The following CSMD2 variants were observed in gnomAD, a reference collection of about 807,000 sequenced individuals.
CSMD2 encodes the protein CUB and Sushi multiple domains 2.
In CSMD2, 130 loss-of-function variants were observed where a neutral mutation model predicts 398.5. That is an observed-to-expected ratio of 0.33 (90% CI 0.28 to 0.38). The LOEUF (loss-of-function observed/expected upper bound fraction) is 0.38, where lower values mean the gene tolerates loss of function less well. Among genes scored for constraint, CSMD2 ranks in the 10% least tolerant of loss-of-function variants. The pLI, the probability that CSMD2 is intolerant of heterozygous loss-of-function variation, is 1.00. For synonymous variants in CSMD2, 1,828 were observed against 1,908.5 expected, an observed-to-expected ratio of 0.96 and a Z score of 1.10; for missense variants, 3,829 against 4,764.9, an observed-to-expected ratio of 0.80 and a Z score of 5.78.
rs1377493597 is a variant in CSMD2, at chr1:34,103,289, C to CTTTTT, written c.188-14101_188-14097dup. On this transcript the variant is annotated intron_variant, in intron 1 of 70. Transcript: ENST00000373381. ...TGTCTCTACCAGCAAACTCCTTGAG[C>CTTTTT]TTTTTTTTTTTTTTTTTTTTTCTTT... 6.5e-4 allele frequency among the ~76,000 whole-genome samples: 69 copies of CTTTTT among 106,968 alleles called. 1 individual carries two copies. Among genetic ancestry groups the CTTTTT allele is most frequent in the African/African-American group, 1.5e-3 (38 of 24,748 alleles). The allele number at this position is 106,968 out of a possible 152,430, so 70.2% of individuals were successfully genotyped here.
intron 4 of CSMD2, among the ~76,000 whole-genome samples, chr1:33,923,699 A>T (rs1045648368): frequency 1.2e-4 from 18 of 152,146 alleles, no homozygotes; most frequent in Non-Finnish European, 2.5e-4. Flanking sequence ...AACTATAGTC[A>T]CCATAGTCTG....
At chr1:34,081,373 T>A (rs1325474610) in intron 2 of CSMD2, among the ~76,000 whole-genome samples, 5 of 151,920 alleles carry the variant, frequency 3.3e-5, no homozygotes, top group Non-Finnish European at 1.5e-5. Flanking sequence ...TGGTTCCAGG[T>A]CAATAAAAGG....
chr1:33,999,327 G>A (rs569948865), intron 3 of CSMD2, among the ~76,000 whole-genome samples: 344 of 152,246 alleles, frequency 2.3e-3, no homozygotes, highest in Non-Finnish European at 3.1e-3. Flanking sequence ...GCTTTGAAAC[G>A]GATGTCTCAA....
In CSMD2 at chr1:33,590,758, CCT is replaced by C. The variant is rs199861091; in HGVS notation, c.6857-3592_6857-3591del. 3.1e-4 allele frequency among the ~76,000 whole-genome samples: 47 copies of C among 152,138 alleles called. No individual in the cohort carries two copies. In the East Asian group the frequency reaches 5.1e-3, roughly 16 times the overall value. ...ATTTTGTGAATACCCTTCTTCTTCC[CCT>C]GAGGGGAAGAGGGTGAGGTGTTGAG... On this transcript the variant is annotated intron_variant, in intron 44 of 70. Coordinates refer to ENST00000373381, the MANE Select transcript of CSMD2 (RefSeq NM_001281956.2).
At position 33,576,994 on chromosome 1, in the gene CSMD2, C is replaced by A. The variant is rs74457147; in HGVS notation, c.7576+302G>T. On this transcript the variant is annotated intron_variant, in intron 49 of 70. Transcript: ENST00000373381. ...GCATCCCCTCTGCTGGGAGCCCTCC[C>A]CAGCTGGCCAGGAGGAAGCAGATCC... Among the ~76,000 whole-genome samples, 830 of 152,082 alleles carry A rather than the reference C, an allele frequency of 5.5e-3. 9 individuals are homozygous for A. The highest frequency in any genetic ancestry group is 0.019 in the African/African-American group (792 of 41,442).
intron 5 of CSMD2, among the ~76,000 whole-genome samples, chr1:33,851,879 G>T (rs1005918251): frequency 1.3e-5 from 2 of 151,998 alleles, no homozygotes; most frequent in Admixed American, 6.6e-5. Flanking sequence ...AATATGAGTT[G>T]CTGGGCCTTA....
chr1:33,594,616 G>A (rs1450032005), intron 44 of CSMD2, among the ~76,000 whole-genome samples: 2 of 152,102 alleles, frequency 1.3e-5, no homozygotes, highest in Admixed American at 6.6e-5. Flanking sequence ...TGTTATCAGT[G>A]TCTTGGCTCT....
intron 2 of CSMD2, among the ~76,000 whole-genome samples, chr1:34,054,294 C>G (rs554352369): frequency 6.6e-6 from 1 of 152,074 alleles, no homozygotes; most frequent in African/African-American, 2.4e-5. Context: ...ATGACTAGTA[C>G]GAAGCCAGCA....
At chr1:33,567,497 T>TATATATATATATATATATATATATATG (rs1553142128) in intron 53 of CSMD2, 96 bp downstream of exon 53, 1 of 811,494 alleles carries the variant, frequency 1.2e-6, no homozygotes, top group Non-Finnish European at 1.8e-6. Flanking sequence ...ATATATATAT[T>TATATATATATATATATATATATATATG]TAAAACAAAC....
In CSMD2 at chr1:34,070,264, C is replaced by T. The variant is rs149227410; in HGVS notation, c.404+18713G>A. 5.7e-3 allele frequency among the ~76,000 whole-genome samples: 865 copies of T among 152,290 alleles called. 8 individuals carry two copies. The highest frequency in any genetic ancestry group is 6.8e-3 in the Non-Finnish European group (464 of 68,032). ...TGCCTAAGTGCAGGCAAATTCCAAA[C>T]ATGGAAGGAGACAGGACTGTAGAAT... On this transcript the variant is annotated intron_variant, in intron 2 of 70. Transcript: ENST00000373381.
At chr1:33,790,845 C>CATCT (rs1553207630) in intron 11 of CSMD2, among the ~76,000 whole-genome samples, 7 of 128,610 alleles carry the variant, frequency 5.4e-5, no homozygotes, top group Non-Finnish European at 8.4e-5. Context: ...ATCTATCTAT[C>CATCT]ATCTATCTAT....
intron 3 of CSMD2, among the ~76,000 whole-genome samples, chr1:33,995,555 G>A (rs1315253122): frequency 6.6e-6 from 1 of 152,172 alleles, no homozygotes; most frequent in African/African-American, 2.4e-5. Context: ...TCAAGACCCA[G>A]GGCTTGTGCA....
intron 1 of CSMD2, among the ~76,000 whole-genome samples, chr1:34,128,301 G>A (rs1229229564): frequency 1.3e-5 from 2 of 152,186 alleles, no homozygotes; most frequent in Non-Finnish European, 2.9e-5. Context: ...CAGAGACTGA[G>A]GCGGAAAACC....
Position 33,765,026 on chromosome 1 carries a change from G to A in CSMD2, c.1846+7543C>T, listed in dbSNP as rs149445436. ...GCAATGTATGCGAAGCAATGCATGT[G>A]ACCTATATGAAGAAAACCATGGAGC... On this transcript the variant is annotated intron_variant, in intron 13 of 70. Coordinates refer to ENST00000373381, the MANE Select transcript of CSMD2 (RefSeq NM_001281956.2). Among the ~76,000 whole-genome samples the A allele has an allele frequency of 3.3e-5, 5 of 152,320 alleles. No individual in the cohort carries two copies. The East Asian group carries it at 7.7e-4, about 24-fold the overall frequency.
rs757528717 is a variant in CSMD2, at chr1:33,726,707, AG to A, written c.2369-23del. 5.6e-6 allele frequency: 9 copies of A among 1,597,424 alleles called. No individual in the cohort carries two copies. In the African/African-American group the frequency reaches 1.2e-4, roughly 21 times the overall value. ...GGAGCTGGGGGGACAGAAGGAAGAGAGGCAGCTTTCTTCAGGGACAAATGAG... is the reference window on the plus strand; with the variant it reads ...GGAGCTGGGGGGACAGAAGGAAGAGAGCAGCTTTCTTCAGGGACAAATGAG... On this transcript the variant is annotated intron_variant, in intron 15 of 70. Coordinates refer to ENST00000373381, the MANE Select transcript of CSMD2 (RefSeq NM_001281956.2).
intron 13 of CSMD2, among the ~76,000 whole-genome samples, chr1:33,746,103 G>A (rs568646420): frequency 2.4e-4 from 37 of 152,118 alleles, no homozygotes; most frequent in Non-Finnish European, 4.4e-4. Flanking sequence ...CTATGTGACC[G>A]TGGAGTCTTA....
At chr1:34,111,104 G>A (rs193103951) in intron 1 of CSMD2, among the ~76,000 whole-genome samples, 1 of 152,226 alleles carries the variant, frequency 6.6e-6, no homozygotes, top group East Asian at 1.9e-4. Context: ...ACAAGAGAAA[G>A]GCCTTTGTTT....
At chr1:33,517,383 C>T (rs1344156080) in intron 70 of CSMD2, among the ~76,000 whole-genome samples, 1 of 152,168 alleles carries the variant, frequency 6.6e-6, no homozygotes. Context: ...ATGGCGCACA[C>T]CAGCACCTGG....
intron 21 of CSMD2, among the ~76,000 whole-genome samples, chr1:33,712,891 C>A (rs965847842): frequency 6.6e-6 from 1 of 152,068 alleles, no homozygotes; most frequent in Admixed American, 6.6e-5. Flanking sequence ...GGAGTAAACC[C>A]TGGGGTTATT....
Sources: gnomAD v4.1 joint callset for allele counts (sites outside exome capture counted in the v4.1 genomes callset) on GRCh38, gnomAD v4.1.1 for gene constraint, MANE v1.5 for transcripts, NCBI Gene and HGNC (gene_info 2026-07-23, HGNC 2026-07-21) for gene names.